FRMD5: variants seen among roughly 807,000 people sequenced by gnomAD.
FRMD5 encodes the protein FERM domain containing 5.
FRMD5 carries 20 observed loss-of-function variants against 69.0 expected under a neutral mutation model. The observed-to-expected ratio is 0.29, with a 90% CI of 0.20 to 0.42. The LOEUF (loss-of-function observed/expected upper bound fraction) is 0.42. Ranked by LOEUF, FRMD5 falls within the 10% of genes least tolerant of loss-of-function variation. The pLI is 1.00. For missense variants in FRMD5, 595 were observed against 708.6 expected (o/e 0.84, Z 1.82); for synonymous variants, 271 against 260.1 (o/e 1.04, Z -0.40).
intron 1 of FRMD5, among the ~76,000 whole-genome samples, chr15:44,119,698 G>A (rs1177153642): frequency 6.7e-6 from 1 of 150,246 alleles, no homozygotes; most frequent in Non-Finnish European, 1.5e-5. Context: ...GCACATGATA[G>A]AAAAGCTGAA....
rs574263594 is a variant in FRMD5 at position 44,127,835 on chromosome 15, G to A, written c.102+67118C>T. ...TGCAGGGAGTTGTGATCTCACCACC[G>A]CACTCCAGCCTGGGCAATAAAATGA... On this transcript the variant is annotated intron_variant, in intron 1 of 13. Coordinates refer to ENST00000417257, the MANE Select transcript of FRMD5 (RefSeq NM_032892.5). Among the ~76,000 whole-genome samples the A allele has an allele frequency of 3.7e-4, 56 of 152,164 alleles. 1 individual carries two copies. The highest frequency in any genetic ancestry group is 1.3e-3 in the African/African-American group (55 of 41,506).
At chr15:44,142,038 G>A (rs1354500938) in intron 1 of FRMD5, among the ~76,000 whole-genome samples, 1 of 151,992 alleles carries the variant, frequency 6.6e-6, no homozygotes, top group Non-Finnish European at 1.5e-5. Flanking sequence ...GTCATCAGAT[G>A]TATTCATTAT....
At chr15:44,194,735 A>T in intron 1 of FRMD5, 1 of 647,746 alleles carries the variant, frequency 1.5e-6, no homozygotes, top group Non-Finnish European at 2.8e-6. Flanking sequence ...GGACGCGGAG[A>T]CTCGCCCCGC....
At chr15:44,180,189 T>C (rs900240024) in intron 1 of FRMD5, among the ~76,000 whole-genome samples, 5 of 152,140 alleles carry the variant, frequency 3.3e-5, no homozygotes, top group East Asian at 1.9e-4. Context: ...CTAAGCCTCA[T>C]TGCACTCATC....
At chr15:44,027,690 G>A (rs1384941052) in intron 1 of FRMD5, among the ~76,000 whole-genome samples, 2 of 131,354 alleles carry the variant, frequency 1.5e-5, no homozygotes, top group Admixed American at 1.7e-4. Flanking sequence ...TCGCTCTGTT[G>A]CCCGGGCTGG....
At chr15:44,012,606 T>C (rs1890767674) in intron 1 of FRMD5, among the ~76,000 whole-genome samples, 1 of 152,148 alleles carries the variant, frequency 6.6e-6, no homozygotes, top group African/African-American at 2.4e-5. Flanking sequence ...TGAGAAGTGT[T>C]GTGGGTGGCA....
At chr15:44,078,853 A>T (rs1165680261) in intron 1 of FRMD5, among the ~76,000 whole-genome samples, 2 of 152,264 alleles carry the variant, frequency 1.3e-5, no homozygotes, top group Non-Finnish European at 1.5e-5. Flanking sequence ...ATAGGGAAAA[A>T]ATTTCATGCC....
At chr15:44,074,172 A>G (rs1319328901) in intron 1 of FRMD5, among the ~76,000 whole-genome samples, 1 of 152,194 alleles carries the variant, frequency 6.6e-6, no homozygotes, top group African/African-American at 2.4e-5. Flanking sequence ...AGTTTAGACA[A>G]TATTATTGAT....
At chr15:44,139,298 T>TACACACAC (rs140679752) in intron 1 of FRMD5, among the ~76,000 whole-genome samples, 2,976 of 143,710 alleles carry the variant, frequency 0.021, 93 homozygotes, top group African/African-American at 0.067. Context: ...CCCCTCTCTC[T>TACACACAC]ACACACACAC....
chr15:44,129,187 G>GA lies in FRMD5; in HGVS notation c.102+65765dup, dbSNP rs200365004. Reference sequence around the variant, plus strand: ...CTCTTATGATTCCCCAATCTAAAATGAAAAAAAAAATCCCTTGCTTACATG... The same window carrying GA: ...CTCTTATGATTCCCCAATCTAAAATGAAAAAAAAAAATCCCTTGCTTACATG... On this transcript the variant is annotated intron_variant, in intron 1 of 13. Transcript: ENST00000417257. Among the ~76,000 whole-genome samples the GA allele has an allele frequency of 3.2e-3, 469 of 147,488 alleles. 6 individuals carry two copies. In the East Asian group the frequency reaches 0.034, roughly 11 times the overall value.
At chr15:43,973,240 T>C (rs1199676525) in intron 1 of FRMD5, among the ~76,000 whole-genome samples, 1 of 152,082 alleles carries the variant, frequency 6.6e-6, no homozygotes, top group African/African-American at 2.4e-5. Context: ...GCCAGGATGG[T>C]CTCGATCTCC....
intron 10 of FRMD5, among the ~76,000 whole-genome samples, chr15:43,887,432 C>A (rs985629177): frequency 1.8e-4 from 27 of 152,194 alleles, no homozygotes; most frequent in African/African-American, 6.5e-4. Flanking sequence ...AGGGACTGAA[C>A]AGGAGGGAAG....
intron 1 of FRMD5, among the ~76,000 whole-genome samples, chr15:44,036,991 G>GC (rs1555396827): frequency 6.0e-4 from 89 of 148,494 alleles, no homozygotes; most frequent in African/African-American, 2.2e-3. Flanking sequence ...TACAACTACA[G>GC]TTTTTTTTTT....
intron 1 of FRMD5, among the ~76,000 whole-genome samples, chr15:44,153,137 T>C (rs966677226): frequency 7.2e-5 from 11 of 152,180 alleles, no homozygotes; most frequent in Non-Finnish European, 1.0e-4. Flanking sequence ...ACAGCCACTA[T>C]AGAAAATAGT....
At chr15:44,151,268 G>A (rs1287840608) in intron 1 of FRMD5, among the ~76,000 whole-genome samples, 2 of 151,502 alleles carry the variant, frequency 1.3e-5, no homozygotes, top group African/African-American at 4.9e-5. Flanking sequence ...ATGGTGGTGG[G>A]CGCCTGTAGT....
intron 1 of FRMD5, among the ~76,000 whole-genome samples, chr15:43,938,913 G>T (rs1437101710): frequency 1.3e-5 from 2 of 152,086 alleles, no homozygotes; most frequent in African/African-American, 2.4e-5. Context: ...CCAGGCTGGA[G>T]TGCAGTGGCA....
At chr15:43,931,986 C>T (rs1245177807) in intron 1 of FRMD5, among the ~76,000 whole-genome samples, 1 of 152,212 alleles carries the variant, frequency 6.6e-6, no homozygotes, top group Non-Finnish European at 1.5e-5. Flanking sequence ...CCCTGGTCTG[C>T]CACTTCTCAG....
intron 1 of FRMD5, among the ~76,000 whole-genome samples, chr15:43,972,603 G>T (rs1238063126): frequency 1.3e-5 from 2 of 152,148 alleles, no homozygotes; most frequent in Non-Finnish European, 2.9e-5. Flanking sequence ...GCACTGGCTG[G>T]ATTTCAGCCC....
At position 43,875,804 on chromosome 15, in the gene FRMD5, G is replaced by GTTTTTTTTTTTTTTT. The variant is rs34063043; in HGVS notation, c.1136-1357_1136-1343dup. 3.5e-4 allele frequency: 73 copies of GTTTTTTTTTTTTTTT among 210,638 alleles called. 12 individuals are homozygous for GTTTTTTTTTTTTTTT. The highest frequency in any genetic ancestry group is 1.3e-3 in the African/African-American group (28 of 20,966). The allele number at this position is 210,638 out of a possible 1,614,324, so 13.0% of individuals were successfully genotyped here. On this transcript the variant is annotated intron_variant, in intron 13 of 13. Transcript: ENST00000417257. Reference sequence around the variant, plus strand: ...TCTTGCCTTTGGTGTCCTGGGCCTAGTTTTTTTTTTTTTTTTTTTTTTTCT... The same window carrying GTTTTTTTTTTTTTTT: ...TCTTGCCTTTGGTGTCCTGGGCCTAGTTTTTTTTTTTTTTTTTTTTTTTTTTTTTTTTTTTTTTCT...
Sources: allele counts gnomAD v4.1 joint callset (sites outside exome capture counted in the v4.1 genomes callset), GRCh38; gene constraint gnomAD v4.1.1; transcripts MANE v1.5; gene names NCBI Gene and HGNC (gene_info 2026-07-23, HGNC 2026-07-21).